Variants in BTBD7 observed in about 807,000 individuals in gnomAD.
BTBD7 encodes the protein BTB domain containing 7.
A neutral mutation model predicts 99.9 loss-of-function variants in BTBD7; 38 were observed. That is an observed-to-expected ratio of 0.38 (90% CI 0.29 to 0.50). The LOEUF is 0.50. BTBD7 is among the 20% of genes least tolerant of loss of function. The pLI is 0.93. For missense variants in BTBD7, 1,170 were observed against 1,394.6 expected (o/e 0.84, Z 2.57); for synonymous variants, 520 against 511.4 (o/e 1.02, Z -0.23).
chr14:93,292,147 A>G (rs889794655), intron 3 of BTBD7, among the ~76,000 whole-genome samples: 2 of 152,186 alleles, frequency 1.3e-5, no homozygotes, highest in African/African-American at 2.4e-5. Context: ...AAATTGCGCC[A>G]TTGCACTCCA....
intron 7 of BTBD7, among the ~76,000 whole-genome samples, chr14:93,253,042 T>TTTCC (rs2052386670): frequency 6.6e-6 from 1 of 152,336 alleles, no homozygotes; most frequent in South Asian, 2.1e-4. Context: ...TTGCCCAGGA[T>TTTCC]GGACCCCGGA....
chr14:93,294,714 C>A lies in BTBD7; in HGVS notation c.306G>T (p.Val102=). 6.2e-7 allele frequency: 1 copy of A among 1,614,074 alleles called. No individual in the cohort carries two copies. Among genetic ancestry groups the A allele is most frequent in the Non-Finnish European group, 8.5e-7 (1 of 1,180,002 alleles). ...ATGCTGATGTTCCCTCATATTCCTCCACTAATGCATTGACATCTCTAACAT... is the reference window on the plus strand; with the variant it reads ...ATGCTGATGTTCCCTCATATTCCTCAACTAATGCATTGACATCTCTAACAT... ...GWDVRDVNAL[V]EEYEGTSALK... is the part of the protein sequence containing the mutation. Residue 102 remains valine, a synonymous_variant, in exon 3 of 11, where the codon GTG becomes GTT. Transcript: ENST00000334746.
chr14:93,294,933 G>T lies in BTBD7; in HGVS notation c.87C>A (p.Thr29=). The T allele has an allele frequency of 2.0e-6, 3 of 1,531,592 alleles. No individual in the cohort carries two copies. Among genetic ancestry groups the T allele is most frequent in the Admixed American group, 2.3e-5 (1 of 42,938 alleles). The allele number at this position is 1,531,592 out of a possible 1,614,324, so 94.9% of individuals were successfully genotyped here. A position where few individuals can be genotyped will look rare whatever the true frequency, so the allele number is the denominator to read the frequency against. ...CATAGCCTTGCTGAGAATAGGATGA[G>T]GTCCCTAAGAAAAAAATTAAACAAA... ...NSQAQQTFIG[T]SSYSQQGYGC... Residue 29 remains threonine, a synonymous_variant, in exon 3 of 11, where the codon ACC becomes ACA. Transcript: ENST00000334746.
intron 5 of BTBD7, among the ~76,000 whole-genome samples, chr14:93,259,405 A>C (rs899297494): frequency 6.6e-6 from 1 of 152,162 alleles, no homozygotes; most frequent in Admixed American, 6.5e-5. Flanking sequence ...GAAAACATAA[A>C]AATGTAAAAA....
At chr14:93,263,580 G>A (rs2052512204) in intron 4 of BTBD7, among the ~76,000 whole-genome samples, 1 of 152,204 alleles carries the variant, frequency 6.6e-6, no homozygotes, top group Non-Finnish European at 1.5e-5. Context: ...CTTGTTCAAT[G>A]TTGAGTCATG....
intron 1 of BTBD7, among the ~76,000 whole-genome samples, chr14:93,311,189 T>G (rs947571074): frequency 6.6e-6 from 1 of 152,218 alleles, no homozygotes; most frequent in South Asian, 2.1e-4. Context: ...TTTGTAGTTA[T>G]TCTTATTGAA....
intron 3 of BTBD7, among the ~76,000 whole-genome samples, chr14:93,276,548 A>T (rs952284732): frequency 2.0e-5 from 3 of 152,208 alleles, no homozygotes; most frequent in African/African-American, 7.2e-5. Flanking sequence ...AGCTGCCAGA[A>T]GTTCTTTTCC....
At chr14:93,258,743 C>T (rs963439771) in intron 5 of BTBD7, among the ~76,000 whole-genome samples, 2 of 152,126 alleles carry the variant, frequency 1.3e-5, no homozygotes, top group African/African-American at 4.8e-5. Context: ...CGCCACCACA[C>T]GCAGCTAATT....
chr14:93,312,011 C>A (rs1379452120), intron 1 of BTBD7, among the ~76,000 whole-genome samples: 1 of 151,880 alleles, frequency 6.6e-6, no homozygotes, highest in East Asian at 1.9e-4. Flanking sequence ...CCTGTCTACT[C>A]TATTCTAGTC....
intron 3 of BTBD7, among the ~76,000 whole-genome samples, chr14:93,290,510 C>T (rs1457179408): frequency 3.9e-5 from 4 of 102,608 alleles, no homozygotes; most frequent in Admixed American, 1.4e-4. Context: ...CTGCACTTGG[C>T]CTTTTTTTTT....
chr14:93,322,289 C>CT lies in BTBD7; in HGVS notation c.-107+10530dup, dbSNP rs956506735. Among the ~76,000 whole-genome samples the CT allele has an allele frequency of 2.2e-3, 327 of 148,814 alleles. 5 individuals carry two copies. In the East Asian group the frequency reaches 0.023, roughly 11 times the overall value. ...CCACCATACCTGGCTAATTTTTAAACTTTTTTTTTTGTAGAGGTGTGATCT... is the reference window on the plus strand; with the variant it reads ...CCACCATACCTGGCTAATTTTTAAACTTTTTTTTTTTGTAGAGGTGTGATCT... On this transcript the variant is annotated intron_variant, in intron 1 of 10. Coordinates refer to ENST00000334746, the MANE Select transcript of BTBD7 (RefSeq NM_001002860.4).
rs1208202747 is a variant in BTBD7 at position 93,242,844 on chromosome 14, G to A, written c.2828C>T (p.Pro943Leu). Residue 943 changes from proline to leucine, a missense_variant, in exon 11 of 11, where the codon CCG becomes CTG. Transcript: ENST00000334746. ...TDTRENPQEY[P>L]DFYDFSNAAC... ...AGCATTTGAGAAGTCATAGAAATCC[G>A]GATATTCCTGTGGATTTTCTCTGGT... The A allele has an allele frequency of 6.2e-7, 1 of 1,614,110 alleles. No homozygotes were observed. Among genetic ancestry groups the A allele is most frequent in the Non-Finnish European group, 8.5e-7 (1 of 1,180,022 alleles).
In BTBD7 at chr14:93,246,180, G is replaced by C. The variant is rs2052306869; in HGVS notation, c.2228C>G (p.Thr743Ser). The stretch of plus-strand genomic sequence containing the variant: ...AAAAGAGTCCAGATCTGTAAACATG[G>C]TTTCTGCAGGAGGTGTACTGTTTAC... ...CRVNSTPPAE[T>S]MFTDLDSFVA... Residue 743 changes from threonine (T) to serine (S), a missense_variant, in exon 10 of 11, where the codon ACC (threonine) becomes AGC (serine). This residue lies in a region of BTBD7 where 495 missense variants were observed against 525.9 expected (regional missense o/e 0.94). Transcript: ENST00000334746. 6.2e-7 allele frequency: 1 copy of C among 1,613,576 alleles called. No homozygotes were observed. The highest frequency in any genetic ancestry group is 1.3e-5 in the African/African-American group (1 of 74,852).
chr14:93,252,828 G>T (rs1056587638), intron 7 of BTBD7, among the ~76,000 whole-genome samples: 1 of 146,804 alleles, frequency 6.8e-6, no homozygotes, highest in African/African-American at 2.5e-5. Context: ...TTTGTTTTTT[G>T]TTTTTTTTTT....
chr14:93,258,245 A>AT (rs1159804829), intron 5 of BTBD7, among the ~76,000 whole-genome samples: 4 of 151,216 alleles, frequency 2.6e-5, no homozygotes, highest in Non-Finnish European at 4.4e-5. Flanking sequence ...GAGAGAATTG[A>AT]TTGTTTTTGA....
intron 1 of BTBD7, among the ~76,000 whole-genome samples, chr14:93,313,400 T>C (rs2053160814): frequency 6.6e-6 from 1 of 152,232 alleles, no homozygotes; most frequent in Non-Finnish European, 1.5e-5. Flanking sequence ...AGGGTTTTGT[T>C]AGGAGAATCT....
At chr14:93,290,014 G>A (rs1595314492) in intron 3 of BTBD7, among the ~76,000 whole-genome samples, 1 of 151,756 alleles carries the variant, frequency 6.6e-6, no homozygotes, top group East Asian at 1.9e-4. Flanking sequence ...GCACCACCAC[G>A]CCCAACTAAT....
rs139234606 is a variant in BTBD7 at position 93,242,391 on chromosome 14, C to T, written c.3281G>A (p.Ser1094Asn). Residue 1094 changes from serine to asparagine, a missense_variant, in exon 11 of 11, where the codon AGT becomes AAT. Coordinates refer to ENST00000334746, the MANE Select transcript of BTBD7 (RefSeq NM_001002860.4). ...EERSGRRLAD[S>N]ESLGHGAQRN... ...CTGAGCTCCATGGCCCAGGGACTCACTGTCTGCCAGTCTTCTACCGGATCT... is the reference window on the plus strand; with the variant it reads ...CTGAGCTCCATGGCCCAGGGACTCATTGTCTGCCAGTCTTCTACCGGATCT... 4.3e-6 allele frequency: 7 copies of T among 1,614,112 alleles called. No homozygotes were observed. The African/African-American group carries it at 6.7e-5, about 15-fold the overall frequency.
Position 93,238,359 on chromosome 14 carries a change from CG to C in BTBD7, c.*3913del, listed in dbSNP as rs2052184087. The C allele has an allele frequency of 6.6e-6, 1 of 152,474 alleles. No homozygotes were observed. Among genetic ancestry groups the C allele is most frequent in the Non-Finnish European group, 1.5e-5 (1 of 68,044 alleles). The allele number at this position is 152,474 out of a possible 1,614,324, so 9.4% of individuals were successfully genotyped here. A position where few individuals can be genotyped will look rare whatever the true frequency, so the allele number is the denominator to read the frequency against. On this transcript the variant is annotated 3_prime_UTR_variant, in exon 11 of 11. Coordinates refer to ENST00000334746, the MANE Select transcript of BTBD7 (RefSeq NM_001002860.4). ...TCACCAAATATTGTTCATACAACAG[CG>C]TTAATGGAAAACAGTAAAACACCTT...
Sources: gnomAD v4.1 joint callset for allele counts (sites outside exome capture counted in the v4.1 genomes callset) on GRCh38, gnomAD v4.1.1 for gene constraint, gnomAD v4.1.1 regional missense constraint, MANE v1.5 for transcripts, NCBI Gene and HGNC (gene_info 2026-07-23, HGNC 2026-07-21) for gene names.